Variants in SDK1 observed in about 807,000 individuals in gnomAD.
SDK1 encodes the protein sidekick cell adhesion molecule 1, also known as protein sidekick-1.
SDK1 carries 157 observed loss-of-function variants against 245.5 expected under a neutral mutation model. That is an observed-to-expected ratio of 0.64 (90% CI 0.56 to 0.73). SDK1 has a LOEUF of 0.73. Ranked by LOEUF, SDK1 falls within the 30% of genes least tolerant of loss-of-function variation. The pLI is 0.00. For missense variants in SDK1, 3,583 were observed against 3,002.3 expected, an observed-to-expected ratio of 1.19 and a Z score of -4.52; for synonymous variants, 1,647 against 1,278.5, an observed-to-expected ratio of 1.29 and a Z score of -6.15.
chr7:3,707,790 C>A (rs1465922903), intron 4 of SDK1, among the ~76,000 whole-genome samples: 1 of 152,146 alleles, frequency 6.6e-6, no homozygotes, highest in Non-Finnish European at 1.5e-5. Flanking sequence ...ATCCTCTTAT[C>A]ATTACATAAT....
At chr7:3,776,894 A>G (rs1474590405) in intron 4 of SDK1, among the ~76,000 whole-genome samples, 1 of 152,124 alleles carries the variant, frequency 6.6e-6, no homozygotes, top group Non-Finnish European at 1.5e-5. Context: ...CAAAATCTCC[A>G]TGGTAACATG....
intron 25 of SDK1, among the ~76,000 whole-genome samples, chr7:4,118,154 C>G (rs12535233): frequency 0.09 from 13,697 of 152,060 alleles, 930 homozygotes; most frequent in African/African-American, 0.18. Context: ...AAAAACTCCC[C>G]AAATGGAAGA....
intron 4 of SDK1, chr7:3,643,526 G>T (rs10258910): frequency 4.8e-5 from 6 of 125,638 alleles, no homozygotes; most frequent in African/African-American, 1.2e-4. Flanking sequence ...CGTAAACCTC[G>T]TGATTCTTGT....
intron 1 of SDK1, among the ~76,000 whole-genome samples, chr7:3,606,070 G>C (rs984825605): frequency 2.6e-5 from 4 of 152,084 alleles, no homozygotes; most frequent in Admixed American, 1.3e-4. Context: ...CTGTGTGGAT[G>C]TCTAGTGGGT....
chr7:4,170,903 C>A (rs1261411388), intron 32 of SDK1, among the ~76,000 whole-genome samples: 1 of 152,164 alleles, frequency 6.6e-6, no homozygotes, highest in African/African-American at 2.4e-5. Flanking sequence ...CCAAACACTG[C>A]TTTGTCGTCA....
intron 1 of SDK1, among the ~76,000 whole-genome samples, chr7:3,583,036 C>A (rs1276531417): frequency 6.6e-6 from 1 of 152,164 alleles, no homozygotes; most frequent in Non-Finnish European, 1.5e-5. Context: ...CAGGTCTAGT[C>A]CTAAATGCAG....
chr7:3,398,912 A>G lies in SDK1; in HGVS notation c.298+97028A>G, dbSNP rs900021091. 3.3e-5 allele frequency among the ~76,000 whole-genome samples: 5 copies of G among 151,938 alleles called. No homozygotes were observed. In the South Asian group the frequency reaches 1.0e-3, roughly 31 times the overall value. On this transcript the variant is annotated intron_variant, in intron 1 of 44. Coordinates refer to ENST00000404826, the MANE Select transcript of SDK1 (RefSeq NM_152744.4). ...TTTTGTGTCTCCAGTTTTCAGTGCAACTATTTGCCCTGAGACCTCAGTTCT... is the reference window on the plus strand; with the variant it reads ...TTTTGTGTCTCCAGTTTTCAGTGCAGCTATTTGCCCTGAGACCTCAGTTCT...
chr7:3,448,280 T>C (rs1780408084), intron 1 of SDK1, among the ~76,000 whole-genome samples: 1 of 152,180 alleles, frequency 6.6e-6, no homozygotes, highest in Non-Finnish European at 1.5e-5. Flanking sequence ...GAACGGCTTA[T>C]GTTTATTGGC....
In SDK1 at chr7:3,370,529, T is replaced by TA. The variant is rs530875146; in HGVS notation, c.298+68646dup. On this transcript the variant is annotated intron_variant, in intron 1 of 44. Transcript: ENST00000404826. The stretch of plus-strand genomic sequence containing the variant: ...ATCACTTAAAAAGGAAACAGACTGT[T>TA]ATGTTTGACATTTCTGGAGTAACGT... 2.0e-4 allele frequency among the ~76,000 whole-genome samples: 30 copies of TA among 152,322 alleles called. No individual in the cohort carries two copies. The South Asian group carries it at 5.6e-3, about 28-fold the overall frequency.
intron 4 of SDK1, among the ~76,000 whole-genome samples, chr7:3,724,657 T>C (rs1193250377): frequency 6.6e-6 from 1 of 152,234 alleles, no homozygotes; most frequent in Non-Finnish European, 1.5e-5. Flanking sequence ...CTGGATAGGC[T>C]GCCTGGTCCT....
At chr7:4,224,499 C>T (rs970612328) in intron 40 of SDK1, among the ~76,000 whole-genome samples, 14 of 152,120 alleles carry the variant, frequency 9.2e-5, no homozygotes, top group African/African-American at 3.4e-4. Context: ...CATGAGAAAC[C>T]CACTGCTGTG....
chr7:3,458,813 G>T (rs765863744), intron 1 of SDK1, among the ~76,000 whole-genome samples: 2 of 152,032 alleles, frequency 1.3e-5, no homozygotes, highest in African/African-American at 2.4e-5. Flanking sequence ...TACAGATTAC[G>T]TTTCATTGGT....
intron 35 of SDK1, among the ~76,000 whole-genome samples, chr7:4,201,340 G>A (rs1269264733): frequency 6.6e-6 from 1 of 152,158 alleles, no homozygotes; most frequent in African/African-American, 2.4e-5. Flanking sequence ...AGCAAGATTT[G>A]CCAAGAAGGT....
At chr7:3,457,695 TCCTCTAAGAGCTACACATCAGTATGAG>T (rs1780713584) in intron 1 of SDK1, among the ~76,000 whole-genome samples, 1 of 152,160 alleles carries the variant, frequency 6.6e-6, no homozygotes, top group Non-Finnish European at 1.5e-5. Context: ...CTGGAGATCT[TCCTCTAAGAGCTACACATCAGTATGAG>T]CTGATTGTTC....
chr7:3,773,377 CT>C (rs995375039), intron 4 of SDK1, among the ~76,000 whole-genome samples: 4 of 151,676 alleles, frequency 2.6e-5, no homozygotes, highest in East Asian at 1.9e-4. Flanking sequence ...TCCAGAATTT[CT>C]TTTTGGTTTC....
At chr7:4,150,076 C>T (rs990803644) in intron 30 of SDK1, among the ~76,000 whole-genome samples, 1 of 152,114 alleles carries the variant, frequency 6.6e-6, no homozygotes, top group Non-Finnish European at 1.5e-5. Context: ...CCCCAGGGTC[C>T]TCACAACTGC....
intron 5 of SDK1, among the ~76,000 whole-genome samples, chr7:3,897,372 C>G (rs1190456369): frequency 1.3e-5 from 2 of 152,142 alleles, no homozygotes; most frequent in African/African-American, 4.8e-5. Flanking sequence ...CTCCCCTTCC[C>G]CAGCCCCTGG....
At chr7:3,749,531 C>T (rs1779719219) in intron 4 of SDK1, among the ~76,000 whole-genome samples, 1 of 152,146 alleles carries the variant, frequency 6.6e-6, no homozygotes, top group Non-Finnish European at 1.5e-5. Context: ...GAACTCCTGA[C>T]CTCGTGATCC....
chr7:3,621,073 G>A (rs550935648), intron 2 of SDK1, among the ~76,000 whole-genome samples: 18 of 152,246 alleles, frequency 1.2e-4, no homozygotes, highest in African/African-American at 3.6e-4. Flanking sequence ...TGACGTAAGC[G>A]TTTGCAAAAT....
Sources: allele counts gnomAD v4.1 joint callset (sites outside exome capture counted in the v4.1 genomes callset), GRCh38; gene constraint gnomAD v4.1.1; transcripts MANE v1.5; gene names NCBI Gene and HGNC (gene_info 2026-07-23, HGNC 2026-07-21).